The following LAMA1 variants were observed in gnomAD, a reference collection of about 807,000 sequenced individuals.
LAMA1 encodes laminin subunit alpha-1.
LAMA1 carries 219 observed loss-of-function variants against 348.7 expected under a neutral mutation model. That is an observed-to-expected ratio of 0.63 (90% CI 0.56 to 0.70). The LOEUF is 0.70. LAMA1 is among the 30% of genes least tolerant of loss of function. The pLI is 0.00. For synonymous variants in LAMA1, 1,487 were observed against 1,491.0 expected (o/e 1.00, Z 0.06); for missense variants, 3,744 against 3,888.0 (o/e 0.96, Z 0.99).
At chr18:7,117,623 CGGGGGA>C in intron 1 of LAMA1, 31 bp downstream of exon 1, 1 of 1,587,626 alleles carries the variant, frequency 6.3e-7, no homozygotes, top group Non-Finnish European at 8.5e-7. Flanking sequence ...CGCCCGCCTG[CGGGGGA>C]CAGGGACCCT....
rs745529420 is a variant in LAMA1 at position 7,032,157 on chromosome 18, T to C, written c.2183A>G (p.Tyr728Cys). The change falls in exon 16 of 63, where the codon TAC becomes TGC. Residue 728 changes from tyrosine (Y) to cysteine (C), a missense_variant. Physicochemically the swap from Tyr to Cys is radical, Grantham distance 194. Around this residue, in one of 3 missense-constraint regions of LAMA1, gnomAD observed 1,529 missense variants for 1,689.4 expected, o/e 0.91. Transcript: ENST00000389658. ...TSCESCLSGY[Y>C]RVDGILFGGI... ...TCCAAAGAGTATTCCATCCACGCGG[T>C]AATAGCCAGAGAGGCACGACTGCAA... The C allele has an allele frequency of 6.2e-7, 1 of 1,613,940 alleles. No homozygotes were observed. Among genetic ancestry groups the C allele is most frequent in the South Asian group, 1.1e-5 (1 of 91,052 alleles).
At chr18:6,976,474 C>A (rs1391612527) in intron 44 of LAMA1, among the ~76,000 whole-genome samples, 1 of 152,096 alleles carries the variant, frequency 6.6e-6, no homozygotes, top group Non-Finnish European at 1.5e-5. Flanking sequence ...ATTTATAGAG[C>A]AATTATTGCA....
intron 42 of LAMA1, 33 bp downstream of exon 42, chr18:6,980,488 C>T (rs74938552): frequency 0.14 from 165,173 of 1,222,590 alleles, 11,621 homozygotes; most frequent in East Asian, 0.16. Flanking sequence ...AATGAGAAGA[C>T]GTTATTTACA....
chr18:7,066,570 A>G (rs1189510104), intron 3 of LAMA1, among the ~76,000 whole-genome samples: 1 of 152,230 alleles, frequency 6.6e-6, no homozygotes, highest in East Asian at 1.9e-4. Flanking sequence ...AAATTTACAC[A>G]TGTGAAGATA....
intron 36 of LAMA1, among the ~76,000 whole-genome samples, 174 bp from the exon 37 acceptor site, chr18:6,986,521 T>C (rs966738147): frequency 6.6e-6 from 1 of 150,512 alleles, no homozygotes; most frequent in African/African-American, 2.4e-5. Context: ...GCTACAGGTA[T>C]GGCAGGTTTA....
At chr18:7,079,169 A>T (rs1165127968) in intron 3 of LAMA1, among the ~76,000 whole-genome samples, 2 of 152,194 alleles carry the variant, frequency 1.3e-5, no homozygotes, top group Non-Finnish European at 2.9e-5. Flanking sequence ...TATGAGTTCT[A>T]ACACAAGAGA....
intron 12 of LAMA1, among the ~76,000 whole-genome samples, chr18:7,037,200 A>G (rs2057999017): frequency 6.6e-6 from 1 of 152,188 alleles, no homozygotes. Flanking sequence ...CTTGTATGCC[A>G]GGCCCTCCAC....
chr18:6,948,372 G>T (rs1371542169), intron 60 of LAMA1, 31 bp downstream of exon 60: 2 of 1,613,978 alleles, frequency 1.2e-6, no homozygotes, highest in Non-Finnish European at 1.7e-6. Flanking sequence ...CTCATTCGGG[G>T]ACTGCCTTCG....
At chr18:7,035,938 G>A in intron 13 of LAMA1, 49 bp downstream of exon 13, 2 of 1,443,120 alleles carry the variant, frequency 1.4e-6, no homozygotes, top group Non-Finnish European at 1.9e-6. Flanking sequence ...TAAACTATCA[G>A]CCCACTAAGC....
At chr18:6,964,914 A>T (rs914118783) in intron 50 of LAMA1, 111 bp from the exon 51 acceptor site, 1 of 1,235,636 alleles carries the variant, frequency 8.1e-7, no homozygotes, top group Non-Finnish European at 1.2e-6. Flanking sequence ...ATTCTTTTAG[A>T]TTCTGCGAAT....
At chr18:6,966,046 T>C (rs911201909) in intron 49 of LAMA1, 101 bp downstream of exon 49, 3 of 1,284,504 alleles carry the variant, frequency 2.3e-6, no homozygotes, top group Non-Finnish European at 3.3e-6. Flanking sequence ...GGTATACATA[T>C]GTACATATTT....
chr18:7,071,872 G>A (rs1360249216), intron 3 of LAMA1, among the ~76,000 whole-genome samples: 1 of 152,146 alleles, frequency 6.6e-6, no homozygotes, highest in East Asian at 1.9e-4. Flanking sequence ...CAAGTCACAG[G>A]CGATTATGAG....
rs773423950 is a variant in LAMA1, at chr18:6,966,281, G to A, written c.6916C>T (p.Pro2306Ser). Reference sequence around the variant, plus strand: ...CCACTCCCGTCAAAATGGAAGGAAGGGTCTTCATTCTGGGAGCTGCAAAGC... The same window carrying A: ...CCACTCCCGTCAAAATGGAAGGAAGAGTCTTCATTCTGGGAGCTGCAAAGC... ...GCFGSSQNED[P>S]SFHFDGSGYS... The change falls in exon 49 of 63, where the codon CCT (proline) becomes TCT (serine). Residue 2306 changes from proline to serine, a missense_variant. Pro to Ser is a moderately conservative substitution (Grantham distance 74). Transcript: ENST00000389658. The A allele has an allele frequency of 4.3e-6, 7 of 1,613,736 alleles. No individual in the cohort carries two copies. Among genetic ancestry groups the A allele is most frequent in the Admixed American group, 1.7e-5 (1 of 59,986 alleles).
chr18:7,051,662 T>C (rs1160099946), intron 3 of LAMA1, among the ~76,000 whole-genome samples: 1 of 152,196 alleles, frequency 6.6e-6, no homozygotes, highest in East Asian at 1.9e-4. Context: ...ACATTAATAG[T>C]AGTGTTAAAA....
In LAMA1 at chr18:7,017,272, T is replaced by G; in HGVS notation, c.2808+6A>C. 1 of 1,608,700 alleles carries G rather than the reference T, an allele frequency of 6.2e-7. No homozygotes were observed. The highest frequency in any genetic ancestry group is 2.2e-5 in the East Asian group (1 of 44,868). ...CTAAGGTGTCAATTAGTCACATGCA[T>G]CTTACCAAGCACTGGTCACACTGCT... On this transcript the variant is annotated splice_donor_region_variant and intron_variant, in intron 20 of 62. Transcript: ENST00000389658.
intron 4 of LAMA1, among the ~76,000 whole-genome samples, chr18:7,050,197 T>C (rs1447840658): frequency 6.6e-6 from 1 of 152,214 alleles, no homozygotes; most frequent in African/African-American, 2.4e-5. Context: ...TGGAGAATTT[T>C]TGTAGTTTCA....
At chr18:6,947,907 C>A (rs1278830859) in intron 60 of LAMA1, among the ~76,000 whole-genome samples, 3 of 152,108 alleles carry the variant, frequency 2.0e-5, no homozygotes, top group Non-Finnish European at 4.4e-5. Context: ...GCAAGGGGAG[C>A]TGAGGCCATG....
intron 21 of LAMA1, 145 bp from the exon 22 acceptor site, chr18:7,016,003 A>C: frequency 4.2e-6 from 4 of 943,934 alleles, no homozygotes; most frequent in African/African-American, 1.6e-5. Context: ...AGACCCCTCC[A>C]TGTCTCATGG....
chr18:7,081,376 T>A (rs368504759), intron 1 of LAMA1, among the ~76,000 whole-genome samples: 1 of 152,194 alleles, frequency 6.6e-6, no homozygotes, highest in East Asian at 1.9e-4. Flanking sequence ...TTGACTCTGG[T>A]AGTATTTACA....
Sources: allele counts gnomAD v4.1 joint callset (sites outside exome capture counted in the v4.1 genomes callset), GRCh38; gene constraint gnomAD v4.1.1; regional missense constraint gnomAD v4.1.1; transcripts MANE v1.5; gene names NCBI Gene and HGNC (gene_info 2026-07-23, HGNC 2026-07-21).